Variants in KHDRBS2 observed in about 807,000 individuals in gnomAD.
The protein encoded by KHDRBS2 is KH domain-containing, RNA-binding, signal transduction-associated protein 2.
KHDRBS2 carries 26 observed loss-of-function variants against 44.3 expected under a neutral mutation model. That is an observed-to-expected ratio of 0.59 (90% confidence interval 0.43 to 0.81). KHDRBS2 has a LOEUF of 0.81. Ranked by LOEUF, KHDRBS2 falls within the 40% of genes least tolerant of loss-of-function variation. The pLI, the probability that KHDRBS2 is intolerant of heterozygous loss-of-function variation, is 0.00. For synonymous variants in KHDRBS2, 194 were observed against 151.1 expected, an observed-to-expected ratio of 1.28 and a Z score of -2.08; for missense variants, 476 against 433.1, an observed-to-expected ratio of 1.10 and a Z score of -0.88.
At chr6:62,130,851 CTGAAAGTATAAAACACAATGAT>C (rs1562930881) in intron 2 of KHDRBS2, among the ~76,000 whole-genome samples, 1 of 151,870 alleles carries the variant, frequency 6.6e-6, no homozygotes, top group South Asian at 2.1e-4. Flanking sequence ...AAATACTGTA[CTGAAAGTATAAAACACAATGAT>C]TGTATAAGTA....
chr6:62,054,366 C>T (rs1789787725), intron 2 of KHDRBS2, among the ~76,000 whole-genome samples: 2 of 152,176 alleles, frequency 1.3e-5, no homozygotes, highest in South Asian at 2.1e-4. Flanking sequence ...AATCCATTAA[C>T]AGACTCCTGT....
In KHDRBS2 at chr6:61,803,679, A is replaced by G. The variant is rs1196950019; in HGVS notation, c.811-70915T>C. ...AATGCTCAAGACTGGGTAATTTATG[A>G]AGAAAAAGGTTTAACTCACAGTTCT... is the stretch of plus-strand genomic sequence containing the variant. On this transcript the variant is annotated intron_variant, in intron 6 of 8. Transcript: ENST00000281156. Among the ~76,000 whole-genome samples the G allele has an allele frequency of 7.9e-5, 12 of 152,168 alleles. 1 individual carries two copies. Among genetic ancestry groups the G allele is most frequent in the Non-Finnish European group, 1.3e-4 (9 of 68,030 alleles).
intron 4 of KHDRBS2, among the ~76,000 whole-genome samples, chr6:61,947,088 T>A (rs1166960942): frequency 1.3e-5 from 2 of 152,216 alleles, no homozygotes; most frequent in South Asian, 2.1e-4. Flanking sequence ...ATGAAGAAGA[T>A]CTTAAGCATC....
intron 4 of KHDRBS2, among the ~76,000 whole-genome samples, chr6:61,913,344 G>C (rs1170204492): frequency 2.0e-5 from 3 of 151,868 alleles, no homozygotes; most frequent in Non-Finnish European, 4.4e-5. Context: ...TCTAAGATGT[G>C]GAGTACTGGA....
At chr6:62,190,514 T>A (rs1195082134) in intron 1 of KHDRBS2, among the ~76,000 whole-genome samples, 2 of 152,084 alleles carry the variant, frequency 1.3e-5, no homozygotes, top group East Asian at 1.9e-4. Context: ...TTTGTTGAGG[T>A]CGTCTGCGCT....
intron 6 of KHDRBS2, among the ~76,000 whole-genome samples, chr6:61,768,320 T>C (rs1263612411): frequency 2.0e-5 from 3 of 152,120 alleles, no homozygotes; most frequent in South Asian, 4.1e-4. Context: ...GATTTTTAAG[T>C]GTCTTGAGAT....
chr6:61,679,814 G>T (rs1320974170), downstream of KHDRBS2: 1 of 151,904 alleles, frequency 6.6e-6, no homozygotes, highest in African/African-American at 2.4e-5. Context: ...AATGTGCGGG[G>T]AAACTCAAAG....
rs1778579819 is a variant in KHDRBS2, at chr6:61,756,944, A to T, written c.811-24180T>A. Among the ~76,000 whole-genome samples the T allele has an allele frequency of 2.0e-5, 3 of 152,180 alleles. No homozygotes were observed. In the South Asian group the frequency reaches 6.2e-4, roughly 31 times the overall value. On this transcript the variant is annotated intron_variant, in intron 6 of 8. Coordinates refer to ENST00000281156, the MANE Select transcript of KHDRBS2 (RefSeq NM_152688.4). Reference sequence around the variant, plus strand: ...TACAGATTAGTTTGATTTTTCTAGAATTTTATGTAAATGCAACAACATAGA... The same window carrying T: ...TACAGATTAGTTTGATTTTTCTAGATTTTTATGTAAATGCAACAACATAGA...
At chr6:61,814,119 G>A in intron 6 of KHDRBS2, 1 of 451,768 alleles carries the variant, frequency 2.2e-6, no homozygotes, top group Admixed American at 2.4e-5. Flanking sequence ...ACTCAAATGA[G>A]TGATTCTATG....
At chr6:62,050,429 TAA>T (rs34093577) in intron 2 of KHDRBS2, among the ~76,000 whole-genome samples, 31,451 of 146,620 alleles carry the variant, frequency 0.21, 3,968 homozygotes, top group Admixed American at 0.33. Context: ...AACTTAAAGT[TAA>T]AAAAAAAAAA....
At chr6:61,619,867 T>G in the KHDRBS2 span, among the ~76,000 whole-genome samples, 2 of 152,236 alleles carry the variant, frequency 1.3e-5, no homozygotes, top group Non-Finnish European at 2.9e-5. Context: ...TTGTGAATTG[T>G]GCTTCTATAA....
chr6:61,734,170 G>A (rs1269609746), intron 6 of KHDRBS2, among the ~76,000 whole-genome samples: 2 of 151,862 alleles, frequency 1.3e-5, no homozygotes, highest in Admixed American at 6.6e-5. Flanking sequence ...ATTTACATAC[G>A]AAGCTTTCTG....
chr6:61,978,278 G>T (rs1178785578), intron 3 of KHDRBS2, 66 bp from the exon 4 acceptor site: 3 of 1,284,240 alleles, frequency 2.3e-6, no homozygotes, highest in Non-Finnish European at 2.2e-6. Context: ...CATTTACTGA[G>T]AATATGACAA....
At chr6:61,681,550 G>T (rs1424508177) in intron 8 of KHDRBS2, among the ~76,000 whole-genome samples, 1 of 151,846 alleles carries the variant, frequency 6.6e-6, no homozygotes, top group African/African-American at 2.4e-5. Flanking sequence ...GTCCAGGGTT[G>T]AGATCCATTG....
chr6:61,813,958 G>A (rs1290646885), intron 6 of KHDRBS2: 2 of 454,482 alleles, frequency 4.4e-6, no homozygotes, highest in Non-Finnish European at 8.8e-6. Context: ...GAACAACTCA[G>A]TCCCACTCCC....
In KHDRBS2 at chr6:61,945,150, T is replaced by TATATACACACACAC. The variant is rs371595813; in HGVS notation, c.483+32915_483+32916insGTGTGTGTGTATAT. Among the ~76,000 whole-genome samples the TATATACACACACAC allele has an allele frequency of 8.2e-4, 71 of 86,986 alleles. 1 individual carries two copies. Among genetic ancestry groups the TATATACACACACAC allele is most frequent in the African/African-American group, 3.0e-3 (69 of 23,336 alleles). 57.1% of individuals were successfully genotyped at this position (86,986 alleles called of 152,430 possible). A position where few individuals can be genotyped will look rare whatever the true frequency, so the allele number is the denominator to read the frequency against. On this transcript the variant is annotated intron_variant, in intron 4 of 8. Transcript: ENST00000281156. ...ATATATATATATATATATATATATA[T>TATATACACACACAC]ACACACAGACTTGTCTTGATAAAGT...
intron 4 of KHDRBS2, among the ~76,000 whole-genome samples, chr6:61,947,350 A>G (rs1583667590): frequency 2.0e-5 from 3 of 152,188 alleles, no homozygotes; most frequent in African/African-American, 7.2e-5. Flanking sequence ...CCAATTCATT[A>G]CTCAACTCCA....
intron 6 of KHDRBS2, among the ~76,000 whole-genome samples, chr6:61,789,623 C>G (rs1784335791): frequency 6.6e-6 from 1 of 151,256 alleles, no homozygotes; most frequent in Non-Finnish European, 1.5e-5. Flanking sequence ...TTTTGACACA[C>G]AAAAAACAGG....
chr6:61,817,279 T>G (rs576016078), intron 6 of KHDRBS2, among the ~76,000 whole-genome samples: 1 of 152,212 alleles, frequency 6.6e-6, no homozygotes, highest in South Asian at 2.1e-4. Context: ...ACTTTATGAT[T>G]TTCTTGTGTC....
Sources: gnomAD v4.1 joint callset for allele counts (sites outside exome capture counted in the v4.1 genomes callset) on GRCh38, gnomAD v4.1.1 for gene constraint, MANE v1.5 for transcripts, NCBI Gene and HGNC (gene_info 2026-07-23, HGNC 2026-07-21) for gene names.